PTH1R: variants seen among roughly 807,000 people sequenced by gnomAD.
The protein encoded by PTH1R is parathyroid hormone 1 receptor, also known as parathyroid hormone/parathyroid hormone-related peptide receptor.
PTH1R carries 32 observed loss-of-function variants against 70.7 expected under a neutral mutation model. The observed-to-expected ratio is 0.45, with a 90% CI of 0.34 to 0.61. The LOEUF is 0.61. PTH1R is among the 20% of genes least tolerant of loss of function. The pLI is 0.01. For missense variants in PTH1R, 626 were observed against 792.5 expected (o/e 0.79, Z 2.52); for synonymous variants, 329 against 324.8 (o/e 1.01, Z -0.14).
At chr3:46,898,527 G>A in intron 8 of PTH1R, 55 bp downstream of exon 8, 5 of 1,603,946 alleles carry the variant, frequency 3.1e-6, no homozygotes, top group East Asian at 2.2e-5. Flanking sequence ...GGCGGTGGCC[G>A]AGGTCTGATG....
rs724450 is a variant in PTH1R at position 46,894,037 on chromosome 3, G to A, written c.178+28G>A. 10 of 1,608,736 alleles carry A rather than the reference G, an allele frequency of 6.2e-6. No homozygotes were observed. The Admixed American group carries it at 1.7e-4, about 27-fold the overall frequency. ...GGGGGTCAAAGGAAGAGGGTCTGGG[G>A]ATGAGGTCAGGTGAGGGAGGGGCCA... On this transcript the variant is annotated intron_variant, in intron 4 of 15. Transcript: ENST00000449590.
At chr3:46,899,230 C>A (rs2031965963) in intron 9 of PTH1R, 73 bp from the exon 10 acceptor site, 1 of 1,602,276 alleles carries the variant, frequency 6.2e-7, no homozygotes, top group Non-Finnish European at 8.5e-7. Flanking sequence ...TCCTGCCGCC[C>A]CAGCCCCCCA....
At chr3:46,886,007 T>C (rs2030995911) in intron 3 of PTH1R, among the ~76,000 whole-genome samples, 2 of 152,138 alleles carry the variant, frequency 1.3e-5, no homozygotes, top group African/African-American at 4.8e-5. Context: ...GGACACTGGT[T>C]GTGGCCAGAC....
chr3:46,903,349 G>A lies in PTH1R; in HGVS notation c.1475G>A (p.Ser492Asn). 1 of 1,613,734 alleles carries A rather than the reference G, an allele frequency of 6.2e-7. No individual in the cohort carries two copies. Among genetic ancestry groups the A allele is most frequent in the Non-Finnish European group, 8.5e-7 (1 of 1,180,024 alleles). Residue 492 changes from serine (S) to asparagine (N), a missense_variant, in exon 16 of 16, where the codon AGC becomes AAC. This residue lies in a region of PTH1R where 495 missense variants were observed against 638.7 expected (regional missense o/e 0.77). Coordinates refer to ENST00000449590, the MANE Select transcript of PTH1R (RefSeq NM_000316.3). This position sits in a 1 kb window ranked among gnomAD's most constrained non-coding sequence, Gnocchi z 4.4. ...AAGCGAAAGGCACGCAGCGGGAGCA[G>A]CAGCTATAGCTACGGCCCCATGGTG... ...DFKRKARSGS[S>N]SYSYGPMVSH...
Position 46,882,396 on chromosome 3 carries a change from G to A in PTH1R, c.-48-1116G>A, listed in dbSNP as rs1057487779. 1 of 151,772 alleles carries A rather than the reference G, an allele frequency of 6.6e-6. No homozygotes were observed. The highest frequency in any genetic ancestry group is 1.5e-5 in the Non-Finnish European group (1 of 67,918). The allele number at this position is 151,772 out of a possible 1,614,324, so 9.4% of individuals were successfully genotyped here. ...CCCCCGGGGCCGCGGACGGGGCGCTGGCTTGGGGAGGCTGTCGGGGGGGCC... is the reference window on the plus strand; with the variant it reads ...CCCCCGGGGCCGCGGACGGGGCGCTAGCTTGGGGAGGCTGTCGGGGGGGCC... On this transcript the variant is annotated intron_variant, in intron 2 of 15. Transcript: ENST00000449590. This position sits in a 1 kb window ranked among gnomAD's most constrained non-coding sequence, Gnocchi z 4.3.
rs560070909 is a variant in PTH1R, at chr3:46,896,024, G to A, written c.313+155G>A. On this transcript the variant is annotated intron_variant, in intron 5 of 15. Transcript: ENST00000449590. This position sits in a 1 kb window ranked among gnomAD's most constrained non-coding sequence, Gnocchi z 4.1. The stretch of plus-strand genomic sequence containing the variant: ...AGGCAAGGGGCTGGGAGAAGACAGA[G>A]TGTAGTGGGAAGGAAGGGGAGCTAG... Among the ~76,000 whole-genome samples the A allele has an allele frequency of 6.6e-6, 1 of 152,334 alleles. No homozygotes were observed. Among genetic ancestry groups the A allele is most frequent in the East Asian group, 1.9e-4 (1 of 5,184 alleles).
Position 46,891,304 on chromosome 3 carries a change from A to C in PTH1R, c.76-2603A>C, listed in dbSNP as rs2031402735. ...AGCCAACAGCTGGAGGTAGAGGCTG[A>C]GCCAATTCCTTGAGCCAGTGAGGGG... On this transcript the variant is annotated intron_variant, in intron 3 of 15. Transcript: ENST00000449590. This position sits in a 1 kb window ranked among gnomAD's most constrained non-coding sequence, Gnocchi z 4.3. Among the ~76,000 whole-genome samples the C allele has an allele frequency of 6.6e-6, 1 of 152,092 alleles. No individual in the cohort carries two copies. Among genetic ancestry groups the C allele is most frequent in the African/African-American group, 2.4e-5 (1 of 41,410 alleles).
At chr3:46,889,717 TGGG>T (rs1233722333) in intron 3 of PTH1R, among the ~76,000 whole-genome samples, 2 of 151,914 alleles carry the variant, frequency 1.3e-5, no homozygotes, top group East Asian at 1.9e-4. Flanking sequence ...GGAGGAGTGT[TGGG>T]GGGATATGGG....
In PTH1R at chr3:46,897,945, T is replaced by A. The variant is rs755429827; in HGVS notation, c.404T>A (p.Ile135Asn). The change falls in exon 6 of 16, where the codon ATT (isoleucine) becomes AAT (asparagine). Residue 135 changes from isoleucine (I) to asparagine (N), a missense_variant. Physicochemically the swap from Ile to Asn is moderately radical, Grantham distance 149 (BLOSUM62 -3). Transcript: ENST00000449590. Reference sequence around the variant, plus strand: ...GTGGCTGTGCCCTGTCCGGACTACATTTATGACTTCAATCACAAAGGTGAG... The same window carrying A: ...GTGGCTGTGCCCTGTCCGGACTACAATTATGACTTCAATCACAAAGGTGAG... Reference protein sequence around the residue: ...EVVAVPCPDYIYDFNHKGHAY... With the variant: ...EVVAVPCPDYNYDFNHKGHAY... 1 of 1,614,094 alleles carries A rather than the reference T, an allele frequency of 6.2e-7. No homozygotes were observed. The highest frequency in any genetic ancestry group is 2.2e-5 in the East Asian group (1 of 44,860).
intron 7 of PTH1R, 46 bp downstream of exon 7, chr3:46,898,238 C>G (rs201792344): frequency 3.1e-6 from 5 of 1,602,752 alleles, no homozygotes; most frequent in Non-Finnish European, 4.3e-6. Context: ...AAATTCACTC[C>G]CACCCCACGG....
rs79906072 is a variant in PTH1R, at chr3:46,896,291, G to A, written c.313+422G>A. Among the ~76,000 whole-genome samples the A allele has an allele frequency of 0.011, 1,674 of 152,248 alleles. 11 individuals are homozygous for A. The highest frequency in any genetic ancestry group is 0.027 in the Middle Eastern group (8 of 292). On this transcript the variant is annotated intron_variant, in intron 5 of 15. Transcript: ENST00000449590. This position sits in a 1 kb window ranked among gnomAD's most constrained non-coding sequence, Gnocchi z 4.1. ...GTCACAGAGATAGAGGGGACCAGGA[G>A]GCACACACTGAAGTCTGGGCTCAGT...
chr3:46,895,632 C>T, intron 4 of PTH1R, 103 bp from the exon 5 acceptor site: 2 of 1,573,186 alleles, frequency 1.3e-6, no homozygotes, highest in Non-Finnish European at 1.7e-6. Context: ...GGGCAGGAGA[C>T]AACCCCCCCA....
Position 46,892,130 on chromosome 3 carries a change from A to G in PTH1R, c.76-1777A>G. Among the ~76,000 whole-genome samples the G allele has an allele frequency of 6.6e-6, 1 of 152,116 alleles. No individual in the cohort carries two copies. The highest frequency in any genetic ancestry group is 2.4e-5 in the African/African-American group (1 of 41,478). ...CAGCTCAGCCATAGCTGGGGAAGCAAAGAGACTAGGATAGAGGAGCTTAGG... is the reference window on the plus strand; with the variant it reads ...CAGCTCAGCCATAGCTGGGGAAGCAGAGAGACTAGGATAGAGGAGCTTAGG... On this transcript the variant is annotated intron_variant, in intron 3 of 15. Transcript: ENST00000449590. This position sits in a 1 kb window ranked among gnomAD's most constrained non-coding sequence, Gnocchi z 5.2.
In PTH1R at chr3:46,883,735, C is replaced by A; in HGVS notation, c.75+101C>A. ...GCAGTCTTGAGTTCCCCCAGTAGTTCGAACTTTGGGTGAGAGTCCCCTCTG... is the reference window on the plus strand; with the variant it reads ...GCAGTCTTGAGTTCCCCCAGTAGTTAGAACTTTGGGTGAGAGTCCCCTCTG... On this transcript the variant is annotated intron_variant, in intron 3 of 15. Transcript: ENST00000449590. The surrounding 1 kb of genome is among the most constrained non-coding windows in gnomAD (Gnocchi z 6.4). 1 of 1,393,466 alleles carries A rather than the reference C, an allele frequency of 7.2e-7. No individual in the cohort carries two copies. Among genetic ancestry groups the A allele is most frequent in the African/African-American group, 1.4e-5 (1 of 70,168 alleles). 86.3% of individuals were successfully genotyped at this position (1,393,466 alleles called of 1,614,324 possible). A position where few individuals can be genotyped will look rare whatever the true frequency, so the allele number is the denominator to read the frequency against.
At position 46,902,846 on chromosome 3, in the gene PTH1R, T is replaced by C. The variant is rs1350389721; in HGVS notation, c.1395+56T>C. 1.3e-6 allele frequency: 2 copies of C among 1,599,606 alleles called. No homozygotes were observed. The highest frequency in any genetic ancestry group is 2.2e-5 in the East Asian group (1 of 44,832). On this transcript the variant is annotated intron_variant, in intron 15 of 15. Transcript: ENST00000449590. This position sits in a 1 kb window ranked among gnomAD's most constrained non-coding sequence, Gnocchi z 5.4. ...GGGTGGGGCAGATACCCCAGAGGCT[T>C]CCTCAAGGCTCATTTCTCCATTCTT...
In PTH1R at chr3:46,893,857, T is replaced by C; in HGVS notation, c.76-50T>C. On this transcript the variant is annotated intron_variant, in intron 3 of 15. Transcript: ENST00000449590. This position sits in a 1 kb window ranked among gnomAD's most constrained non-coding sequence, Gnocchi z 5.2. The stretch of plus-strand genomic sequence containing the variant: ...GGGAAATTGGGATGTCTCTGGGACC[T>C]GCTGCTGCGCCGGAAAGTCCTGCCT... 6.4e-7 allele frequency: 1 copy of C among 1,574,024 alleles called. No homozygotes were observed. Among genetic ancestry groups the C allele is most frequent in the Non-Finnish European group, 8.7e-7 (1 of 1,148,222 alleles).
In PTH1R at chr3:46,892,843, G is replaced by T. The variant is rs989743983; in HGVS notation, c.76-1064G>T. The T allele has an allele frequency of 3.1e-6, 3 of 975,386 alleles. No homozygotes were observed. The allele number at this position is 975,386 out of a possible 1,614,324, so 60.4% of individuals were successfully genotyped here. A position where few individuals can be genotyped will look rare whatever the true frequency, so the allele number is the denominator to read the frequency against. On this transcript the variant is annotated intron_variant, in intron 3 of 15. Transcript: ENST00000449590. This position sits in a 1 kb window ranked among gnomAD's most constrained non-coding sequence, Gnocchi z 5.2. ...AGGGATGGAGGGGGTCGTCTCAGGG[G>T]ACATACCCCTGCCCAGGGGTCTGAG...
At chr3:46,898,035 A>C in intron 6 of PTH1R, 39 bp from the exon 7 acceptor site, 1 of 1,613,460 alleles carries the variant, frequency 6.2e-7, no homozygotes, top group African/African-American at 1.3e-5. Flanking sequence ...CAGTGCCTCG[A>C]GACCTCCCTG....
Position 46,883,574 on chromosome 3 carries a change from G to T in PTH1R, c.15G>T (p.Arg5=), listed in dbSNP as rs2030807327. 2 of 1,538,674 alleles carry T rather than the reference G, an allele frequency of 1.3e-6. No individual in the cohort carries two copies. The highest frequency in any genetic ancestry group is 1.7e-6 in the Non-Finnish European group (2 of 1,146,152). Residue 5 remains arginine, a synonymous_variant, in exon 3 of 16, where the codon CGG becomes CGT. Coordinates refer to ENST00000449590, the MANE Select transcript of PTH1R (RefSeq NM_000316.3). This position sits in a 1 kb window ranked among gnomAD's most constrained non-coding sequence, Gnocchi z 6.4. The part of the protein sequence containing the change: MGTA[R]IAPGLALLLC... ...AGGCGGTGGCGATGGGGACCGCCCG[G>T]ATCGCACCCGGCCTGGCGCTCCTGC... is the stretch of plus-strand genomic sequence containing the variant.
Sources: gnomAD v4.1 joint callset for allele counts (sites outside exome capture counted in the v4.1 genomes callset) on GRCh38, gnomAD v4.1.1 for gene constraint, gnomAD v4.1.1 regional missense constraint, Gnocchi (gnomAD v3.1) non-coding constraint, MANE v1.5 for transcripts, NCBI Gene and HGNC (gene_info 2026-07-23, HGNC 2026-07-21) for gene names.